The following DDX17 variants were observed in gnomAD, a reference collection of about 807,000 sequenced individuals.
DDX17 encodes probable ATP-dependent RNA helicase DDX17.
DDX17 carries 10 observed loss-of-function variants against 80.8 expected under a neutral mutation model. The observed-to-expected ratio is 0.12, with a 90% CI of 0.08 to 0.21. The LOEUF is 0.21. DDX17 is among the 10% of genes least tolerant of loss of function. The pLI, the probability that DDX17 is intolerant of heterozygous loss-of-function variation, is 1.00. For synonymous variants in DDX17, 339 were observed against 336.2 expected (o/e 1.01, Z -0.09); for missense variants, 586 against 957.4 (o/e 0.61, Z 5.12).
At chr22:38,505,871 G>C in intron 1 of DDX17, 80 bp downstream of exon 1, 1 of 1,486,542 alleles carries the variant, frequency 6.7e-7, no homozygotes, top group South Asian at 1.3e-5. Context: ...AGGCTCCCAG[G>C]CTCGCAGTCC....
intron 12 of DDX17, 67 bp downstream of exon 12, chr22:38,487,812 A>G: frequency 6.4e-7 from 1 of 1,554,520 alleles, no homozygotes; most frequent in Non-Finnish European, 8.9e-7. Flanking sequence ...AGCAACTAAA[A>G]GCAAGTCACA....
Position 38,489,020 on chromosome 22 carries a change from C to T in DDX17, c.1448-905G>A. 6 of 985,140 alleles carry T rather than the reference C, an allele frequency of 6.1e-6. No individual in the cohort carries two copies. The highest frequency in any genetic ancestry group is 7.2e-6 in the Non-Finnish European group (6 of 829,794). 61.0% of individuals were successfully genotyped at this position (985,140 alleles called of 1,614,324 possible). ...AATTGGGCTGAATAACCTCCTAAGG[C>T]TTAAAATGTAAATGTTAGTGTAATG... On this transcript the variant is annotated intron_variant, in intron 11 of 12. Coordinates refer to ENST00000403230, the MANE Select transcript of DDX17 (RefSeq NM_006386.5). The surrounding 1 kb of genome is among the most constrained non-coding windows in gnomAD (Gnocchi z 4.6).
rs1239423479 is a variant in DDX17 at position 38,489,009 on chromosome 22, ACCT to A, written c.1448-897_1448-895del. 22 of 985,170 alleles carry A rather than the reference ACCT, an allele frequency of 2.2e-5. No individual in the cohort carries two copies. Among genetic ancestry groups the A allele is most frequent in the Non-Finnish European group, 2.7e-5 (22 of 829,888 alleles). 61.0% of individuals were successfully genotyped at this position (985,170 alleles called of 1,614,324 possible). ...CTACTGCTGGGAATTGGGCTGAATA[ACCT>A]CCTAAGGCTTAAAATGTAAATGTTA... is the stretch of plus-strand genomic sequence containing the variant. On this transcript the variant is annotated intron_variant, in intron 11 of 12. Transcript: ENST00000403230. The surrounding 1 kb of genome is among the most constrained non-coding windows in gnomAD (Gnocchi z 4.6).
Position 38,485,927 on chromosome 22 carries a change from G to A in DDX17, c.*8C>T. ...AAGTCTGCTGGAGTCACTACCACTT[G>A]AGTGGTTTCATTTACGTGAAGGAGG... On this transcript the variant is annotated 3_prime_UTR_variant, in exon 13 of 13. Coordinates refer to ENST00000403230, the MANE Select transcript of DDX17 (RefSeq NM_006386.5). 1 of 1,613,492 alleles carries A rather than the reference G, an allele frequency of 6.2e-7. No individual in the cohort carries two copies. The highest frequency in any genetic ancestry group is 8.5e-7 in the Non-Finnish European group (1 of 1,179,864).
At chr22:38,496,517 T>G (rs1490897774) in intron 5 of DDX17, among the ~76,000 whole-genome samples, 1 of 152,154 alleles carries the variant, frequency 6.6e-6, no homozygotes, top group Non-Finnish European at 1.5e-5. Flanking sequence ...GCCCAGCTAA[T>G]TATTGTATTT....
chr22:38,490,688 T>C (rs1569138079), intron 11 of DDX17: 1 of 286,128 alleles, frequency 3.5e-6, no homozygotes, highest in Non-Finnish European at 6.9e-6. Flanking sequence ...GGTAGAAGCC[T>C]TCACTTTCCA....
In DDX17 at chr22:38,489,670, T is replaced by C. The variant is rs958549755; in HGVS notation, c.1448-1555A>G. The C allele has an allele frequency of 4.5e-5, 44 of 983,824 alleles. No individual in the cohort carries two copies. The highest frequency in any genetic ancestry group is 6.2e-5 in the Admixed American group (1 of 16,124). The allele number at this position is 983,824 out of a possible 1,614,324, so 60.9% of individuals were successfully genotyped here. A position where few individuals can be genotyped will look rare whatever the true frequency, so the allele number is the denominator to read the frequency against. On this transcript the variant is annotated intron_variant, in intron 11 of 12. Coordinates refer to ENST00000403230, the MANE Select transcript of DDX17 (RefSeq NM_006386.5). The surrounding 1 kb of genome is among the most constrained non-coding windows in gnomAD (Gnocchi z 4.6). ...TTACAGGGCTTGTGAAGAAGGGGCA[T>C]TATGTCTGTTTCTTATTACAATAAA...
At chr22:38,491,881 A>G (rs1236589754) in intron 11 of DDX17, 175 bp downstream of exon 11, 5 of 448,496 alleles carry the variant, frequency 1.1e-5, no homozygotes, top group African/African-American at 2.5e-5. Context: ...AAGTTAAAAA[A>G]AATTGTGGGG....
intron 2 of DDX17, 43 bp downstream of exon 2, chr22:38,501,087 T>C: frequency 6.3e-7 from 1 of 1,595,320 alleles, no homozygotes; most frequent in Non-Finnish European, 8.5e-7. Context: ...ATATATCTAC[T>C]TGGTTCAATA....
At chr22:38,490,532 A>G in intron 11 of DDX17, 2 of 1,054,684 alleles carry the variant, frequency 1.9e-6, no homozygotes, top group Non-Finnish European at 2.6e-6. Context: ...TCCCAGTGGA[A>G]AGGGAAGTGG....
chr22:38,492,512 G>GT (rs1441401456), intron 10 of DDX17, among the ~76,000 whole-genome samples: 1 of 152,136 alleles, frequency 6.6e-6, no homozygotes, highest in Non-Finnish European at 1.5e-5. Flanking sequence ...TTGAGATGGA[G>GT]TTTCGCTCTT....
At chr22:38,503,630 T>TAC (rs2145713053) in intron 1 of DDX17, among the ~76,000 whole-genome samples, 1 of 152,364 alleles carries the variant, frequency 6.6e-6, no homozygotes, top group Non-Finnish European at 1.5e-5. Context: ...ACGCACACTG[T>TAC]ACTCTCTGGT....
intron 2 of DDX17, among the ~76,000 whole-genome samples, chr22:38,500,234 A>G (rs527762016): frequency 2.0e-5 from 3 of 152,154 alleles, no homozygotes; most frequent in Non-Finnish European, 4.4e-5. Context: ...ATGACCTAAT[A>G]TACAATATTT....
At chr22:38,498,951 G>A (rs1004953114) in intron 3 of DDX17, among the ~76,000 whole-genome samples, 10 of 152,296 alleles carry the variant, frequency 6.6e-5, no homozygotes, top group African/African-American at 2.2e-4. Flanking sequence ...GGCAGAGGAG[G>A]TAGTGAGCTG....
chr22:38,498,659 G>C (rs146192884), intron 3 of DDX17, 86 bp from the exon 4 acceptor site: 15 of 1,434,578 alleles, frequency 1.0e-5, no homozygotes, highest in Admixed American at 3.6e-5. Flanking sequence ...GCTCACTGAA[G>C]ATAAGATTTA....
chr22:38,488,287 A>G (rs2089681463), intron 11 of DDX17, 172 bp from the exon 12 acceptor site: 1 of 1,509,526 alleles, frequency 6.6e-7, no homozygotes, highest in Admixed American at 2.2e-5. Flanking sequence ...CCAACAGAGT[A>G]AAAGAGGATT....
rs996963558 is a variant in DDX17, at chr22:38,485,553, C to G, written c.*382G>C. 1 of 147,566 alleles carries G rather than the reference C, an allele frequency of 6.8e-6. No homozygotes were observed. The highest frequency in any genetic ancestry group is 1.5e-5 in the Non-Finnish European group (1 of 66,908). The allele number at this position is 147,566 out of a possible 1,614,324, so 9.1% of individuals were successfully genotyped here. A position where few individuals can be genotyped will look rare whatever the true frequency, so the allele number is the denominator to read the frequency against. On this transcript the variant is annotated 3_prime_UTR_variant, in exon 13 of 13. Transcript: ENST00000403230. ...CCCCCTCCCTCCCTCCCCACCAACTCAGAAAAACAAAACATGGGGCTCCCA... is the reference window on the plus strand; with the variant it reads ...CCCCCTCCCTCCCTCCCCACCAACTGAGAAAAACAAAACATGGGGCTCCCA...
chr22:38,494,856 TAA>T, intron 7 of DDX17, 28 bp downstream of exon 7: 1 of 1,613,970 alleles, frequency 6.2e-7, no homozygotes, highest in South Asian at 1.1e-5. Flanking sequence ...ACAAATGGCA[TAA>T]AGACTGCTTA....
In DDX17 at chr22:38,495,021, A is replaced by G. The variant is rs1168970837; in HGVS notation, c.906T>C (p.Pro302=). The G allele has an allele frequency of 9.9e-6, 16 of 1,613,792 alleles. No individual in the cohort carries two copies. Among genetic ancestry groups the G allele is most frequent in the Non-Finnish European group, 1.3e-5 (15 of 1,179,972 alleles). Residue 302 remains proline, a synonymous_variant, in exon 7 of 13, where the codon CCT becomes CCC. Transcript: ENST00000403230. ...ACTCCAGGAAATCTATCAGACGTCC[A>G]GGAGTGGCTATGCAGATCTCAACAC...
Sources: allele counts gnomAD v4.1 joint callset (sites outside exome capture counted in the v4.1 genomes callset), GRCh38; gene constraint gnomAD v4.1.1; non-coding constraint Gnocchi (gnomAD v3.1); transcripts MANE v1.5; gene names NCBI Gene and HGNC (gene_info 2026-07-23, HGNC 2026-07-21).